Variants in RSPH9 observed in about 807,000 individuals in gnomAD.
RSPH9 encodes the protein radial spoke head component 9.
A neutral mutation model predicts 27.0 loss-of-function variants in RSPH9; 27 were observed. That is an observed-to-expected ratio of 1.00 (90% confidence interval 0.74 to 1.38). The LOEUF (loss-of-function observed/expected upper bound fraction) is 1.38. Among genes scored for constraint, RSPH9 ranks in the 40% most tolerant of loss-of-function variants. RSPH9 has a pLI of 0.00. For missense variants in RSPH9, 347 were observed against 357.4 expected (o/e 0.97, Z 0.24); for synonymous variants, 145 against 147.7 (o/e 0.98, Z 0.13).
intron 4 of RSPH9, among the ~76,000 whole-genome samples, chr6:43,668,280 C>T (rs982106290): frequency 2.0e-5 from 3 of 152,150 alleles, no homozygotes; most frequent in African/African-American, 7.2e-5. Context: ...GTAGATGCTA[C>T]GTGACTCCTG....
chr6:43,669,597 G>A (rs1409619192), intron 4 of RSPH9, among the ~76,000 whole-genome samples: 1 of 152,262 alleles, frequency 6.6e-6, no homozygotes, highest in Admixed American at 6.5e-5. Context: ...AGCTCTCAGC[G>A]CATGGCTGGC....
In RSPH9 at chr6:43,671,790, G is replaced by T; in HGVS notation, c.*841G>T. The T allele has an allele frequency of 6.2e-7, 1 of 1,614,220 alleles. No homozygotes were observed. The highest frequency in any genetic ancestry group is 8.5e-7 in the Non-Finnish European group (1 of 1,180,020). ...GTGATACAGCTTCCAAGGTGTTCTT[G>T]AGTAGCAGACATTGTCCCTCAGAAG... On this transcript the variant is annotated 3_prime_UTR_variant, in exon 5 of 5. Coordinates refer to ENST00000372163, the MANE Select transcript of RSPH9 (RefSeq NM_152732.5).
chr6:43,649,104 C>T (rs1771176532), intron 1 of RSPH9, among the ~76,000 whole-genome samples: 1 of 151,866 alleles, frequency 6.6e-6, no homozygotes, highest in East Asian at 1.9e-4. Flanking sequence ...GAGGGAAGGA[C>T]AGGAACAGCA....
Position 43,658,388 on chromosome 6 carries a change from C to T in RSPH9, c.670+1665C>T, listed in dbSNP as rs928906940. 6.6e-5 allele frequency among the ~76,000 whole-genome samples: 10 copies of T among 150,888 alleles called. No individual in the cohort carries two copies. The South Asian group carries it at 1.0e-3, about 16-fold the overall frequency. ...CTGACCACCATAATAAAGTGAACAT[C>T]GCAATAAAGTGAGTCACACATTTTT... is the stretch of plus-strand genomic sequence containing the variant. On this transcript the variant is annotated intron_variant, in intron 4 of 4. Coordinates refer to ENST00000372163, the MANE Select transcript of RSPH9 (RefSeq NM_152732.5).
At chr6:43,651,310 G>A (rs912853497) in intron 2 of RSPH9, among the ~76,000 whole-genome samples, 2 of 152,136 alleles carry the variant, frequency 1.3e-5, no homozygotes, top group Non-Finnish European at 2.9e-5. Flanking sequence ...ACTGGATAAA[G>A]GCAGTGGGTA....
At chr6:43,652,825 T>G (rs1271937718) in intron 2 of RSPH9, among the ~76,000 whole-genome samples, 1 of 152,120 alleles carries the variant, frequency 6.6e-6, no homozygotes, top group African/African-American at 2.4e-5. Context: ...TATTTTATTT[T>G]TATTTGTTTT....
At chr6:43,646,694 G>A (rs1190903557) in intron 1 of RSPH9, among the ~76,000 whole-genome samples, 1 of 150,202 alleles carries the variant, frequency 6.7e-6, no homozygotes, top group Non-Finnish European at 1.5e-5. Flanking sequence ...AGGGTGTGGT[G>A]GCTCACGCCT....
In RSPH9 at chr6:43,656,666, G is replaced by C; in HGVS notation, c.613G>C (p.Ala205Pro). 1.2e-6 allele frequency: 2 copies of C among 1,614,170 alleles called. No homozygotes were observed. Among genetic ancestry groups the C allele is most frequent in the Non-Finnish European group, 1.7e-6 (2 of 1,180,028 alleles). Residue 205 changes from alanine (A) to proline (P), a missense_variant, in exon 4 of 5, where the codon GCT becomes CCT. Ala to Pro is a conservative substitution (Grantham distance 27). Coordinates refer to ENST00000372163, the MANE Select transcript of RSPH9 (RefSeq NM_152732.5). Reference protein sequence around the residue: ...ELKNKTLLEKADLDPSLDFMD... With the variant: ...ELKNKTLLEKPDLDPSLDFMD... Reference sequence around the variant, plus strand: ...AAAGAATAAGACCTTGCTTGAGAAGGCTGACCTGGACCCCTCCCTGGATTT... The same window carrying C: ...AAAGAATAAGACCTTGCTTGAGAAGCCTGACCTGGACCCCTCCCTGGATTT...
At chr6:43,650,905 T>TAAAAA (rs57197298) in intron 2 of RSPH9, among the ~76,000 whole-genome samples, 1 of 99,916 alleles carries the variant, frequency 1.0e-5, no homozygotes, top group Non-Finnish European at 2.3e-5. Flanking sequence ...ACCCTGTCTA[T>TAAAAA]AAAAAAAAAA....
chr6:43,669,730 G>A (rs540347219), intron 4 of RSPH9, among the ~76,000 whole-genome samples: 64 of 152,388 alleles, frequency 4.2e-4, no homozygotes, highest in African/African-American at 1.5e-3. Context: ...GCATCCAGAG[G>A]CGATTTTCCC....
At chr6:43,659,607 C>T (rs896260740) in intron 4 of RSPH9, among the ~76,000 whole-genome samples, 9 of 151,942 alleles carry the variant, frequency 5.9e-5, no homozygotes, top group South Asian at 4.1e-4. Context: ...TGGTCTCAAT[C>T]GCCTGACCTC....
rs1242239765 is a variant in RSPH9 at position 43,671,052 on chromosome 6, C to T, written c.*103C>T. 2.1e-6 allele frequency: 3 copies of T among 1,417,904 alleles called. No homozygotes were observed. Among genetic ancestry groups the T allele is most frequent in the Admixed American group, 3.9e-5 (2 of 51,690 alleles). The allele number at this position is 1,417,904 out of a possible 1,614,324, so 87.8% of individuals were successfully genotyped here. On this transcript the variant is annotated 3_prime_UTR_variant, in exon 5 of 5. Coordinates refer to ENST00000372163, the MANE Select transcript of RSPH9 (RefSeq NM_152732.5). ...TTCTGTCCTATCTTCTTAACTCCAC[C>T]TCCGTCTGGTTCCAGATTCTGAAAG... is the stretch of plus-strand genomic sequence containing the variant.
At chr6:43,669,977 C>G (rs552224292) in intron 4 of RSPH9, among the ~76,000 whole-genome samples, 32 of 152,218 alleles carry the variant, frequency 2.1e-4, no homozygotes, top group Non-Finnish European at 4.6e-4. Flanking sequence ...AGCTAGGAGG[C>G]CTGAACTGCC....
chr6:43,655,882 C>T (rs1193112403), intron 3 of RSPH9, among the ~76,000 whole-genome samples, 191 bp downstream of exon 3: 1 of 152,100 alleles, frequency 6.6e-6, no homozygotes, highest in Non-Finnish European at 1.5e-5. Context: ...ATCTCCTGGC[C>T]CCTGACTCTC....
chr6:43,666,474 G>A (rs1773144812), intron 4 of RSPH9: 1 of 1,550,558 alleles, frequency 6.4e-7, no homozygotes, highest in Admixed American at 2.0e-5. Context: ...GAGCAGGTGT[G>A]GTTTTGGTTG....
chr6:43,656,734 A>G lies in RSPH9; in HGVS notation c.670+11A>G, dbSNP rs1227095557. ...ATGACATTCCCAAAGGTAATAGTCC[A>G]TTACCTGGAGGCCATGGGATCTGTC... On this transcript the variant is annotated intron_variant, in intron 4 of 4. Coordinates refer to ENST00000372163, the MANE Select transcript of RSPH9 (RefSeq NM_152732.5). The G allele has an allele frequency of 1.2e-6, 2 of 1,613,686 alleles. No individual in the cohort carries two copies. Among genetic ancestry groups the G allele is most frequent in the African/African-American group, 1.3e-5 (1 of 74,918 alleles).
chr6:43,653,943 C>G (rs574175190), intron 2 of RSPH9, among the ~76,000 whole-genome samples: 1 of 152,300 alleles, frequency 6.6e-6, no homozygotes, highest in African/African-American at 2.4e-5. Flanking sequence ...CTGCCCACCT[C>G]AGCCTCCCAA....
intron 4 of RSPH9, chr6:43,666,372 A>T (rs1285369495): frequency 7.4e-5 from 101 of 1,362,850 alleles, no homozygotes; most frequent in Non-Finnish European, 1.0e-4. Flanking sequence ...GGCTGGAGGG[A>T]TGGGATTTGG....
At chr6:43,653,762 G>A (rs889520930) in intron 2 of RSPH9, among the ~76,000 whole-genome samples, 4 of 151,862 alleles carry the variant, frequency 2.6e-5, no homozygotes, top group Non-Finnish European at 4.4e-5. Context: ...GCGTGGTCTC[G>A]GCTCACTGCA....
Sources: allele counts gnomAD v4.1 joint callset (sites outside exome capture counted in the v4.1 genomes callset), GRCh38; gene constraint gnomAD v4.1.1; transcripts MANE v1.5; gene names NCBI Gene and HGNC (gene_info 2026-07-23, HGNC 2026-07-21).